The following GNG12 variants were observed in gnomAD, a reference collection of about 807,000 sequenced individuals.
GNG12 encodes the protein guanine nucleotide-binding protein G(I)/G(S)/G(O) subunit gamma-12.
For missense variants in GNG12, 69 were observed against 83.8 expected (o/e 0.82, Z 0.69); for synonymous variants, 28 against 29.7 (o/e 0.94, Z 0.19).
chr1:67,785,423 C>T (rs1427073092), intron 1 of GNG12, among the ~76,000 whole-genome samples: 1 of 152,162 alleles, frequency 6.6e-6, no homozygotes, highest in Non-Finnish European at 1.5e-5. Flanking sequence ...AATGAAACCA[C>T]TCTTCTCTTA....
intron 2 of GNG12, among the ~76,000 whole-genome samples, chr1:67,760,549 A>C (rs1167539702): frequency 6.6e-6 from 1 of 152,148 alleles, no homozygotes; most frequent in African/African-American, 2.4e-5. Flanking sequence ...GAAAAACCTG[A>C]TGGATCGTGT....
intron 2 of GNG12, among the ~76,000 whole-genome samples, chr1:67,731,881 T>C (rs1646422112): frequency 6.6e-6 from 1 of 152,236 alleles, no homozygotes; most frequent in African/African-American, 2.4e-5. Context: ...TATTTTTTTA[T>C]ATTCTCCACC....
intron 3 of GNG12, among the ~76,000 whole-genome samples, 181 bp from the exon 4 acceptor site, chr1:67,705,757 G>A (rs1289556952): frequency 6.6e-6 from 1 of 152,176 alleles, no homozygotes; most frequent in Non-Finnish European, 1.5e-5. Context: ...TTAAAATGGT[G>A]CAATTTGGCA....
At chr1:67,818,949 A>T (rs1289800533) in intron 1 of GNG12, among the ~76,000 whole-genome samples, 2 of 152,172 alleles carry the variant, frequency 1.3e-5, no homozygotes, top group African/African-American at 4.8e-5. Flanking sequence ...AATCTTCATT[A>T]CTAGACTGCG....
intron 2 of GNG12, among the ~76,000 whole-genome samples, chr1:67,755,832 G>A (rs1214061813): frequency 1.3e-5 from 2 of 152,068 alleles, no homozygotes; most frequent in African/African-American, 4.8e-5. Flanking sequence ...AGTAATTACC[G>A]ACAAATAGTG....
At chr1:67,717,951 C>T (rs1341396145) in intron 2 of GNG12, among the ~76,000 whole-genome samples, 1 of 152,166 alleles carries the variant, frequency 6.6e-6, no homozygotes, top group African/African-American at 2.4e-5. Context: ...GAAGGAATAA[C>T]AATAGTACTT....
At chr1:67,797,401 A>T (rs1646838078) in intron 1 of GNG12, among the ~76,000 whole-genome samples, 1 of 152,200 alleles carries the variant, frequency 6.6e-6, no homozygotes, top group African/African-American at 2.4e-5. Context: ...AAAATGCTTC[A>T]CCAAGTACCA....
At chr1:67,806,633 G>A (rs1489375994) in intron 1 of GNG12, among the ~76,000 whole-genome samples, 1 of 151,986 alleles carries the variant, frequency 6.6e-6, no homozygotes, top group Non-Finnish European at 1.5e-5. Context: ...GAGAAAACAG[G>A]AGTAGCTATA....
intron 1 of GNG12, among the ~76,000 whole-genome samples, chr1:67,785,441 T>C (rs1407727996): frequency 6.6e-6 from 1 of 152,200 alleles, no homozygotes; most frequent in East Asian, 1.9e-4. Flanking sequence ...TTAGAATTTC[T>C]ACAACCTTTT....
intron 1 of GNG12, among the ~76,000 whole-genome samples, chr1:67,804,053 A>T (rs1357633971): frequency 6.6e-6 from 1 of 152,172 alleles, no homozygotes; most frequent in African/African-American, 2.4e-5. Flanking sequence ...GATAGGCAGA[A>T]GCTGAGAAAG....
intron 1 of GNG12, among the ~76,000 whole-genome samples, chr1:67,828,584 G>A (rs1429000730): frequency 6.6e-6 from 1 of 152,182 alleles, no homozygotes; most frequent in Non-Finnish European, 1.5e-5. Flanking sequence ...ATACAATTGT[G>A]CTGTAATTAG....
intron 1 of GNG12, among the ~76,000 whole-genome samples, chr1:67,818,409 A>AG (rs1160447026): frequency 2.7e-5 from 3 of 109,916 alleles, no homozygotes; most frequent in Non-Finnish European, 5.4e-5. Context: ...GGGAAAGACC[A>AG]GGGGTTTTTT....
chr1:67,800,318 T>C (rs1426863958), intron 1 of GNG12, among the ~76,000 whole-genome samples: 1 of 152,210 alleles, frequency 6.6e-6, no homozygotes, highest in Non-Finnish European at 1.5e-5. Context: ...AAGCTCATGG[T>C]GGCAGATACA....
At chr1:67,786,933 ATATGTGTGTG>A (rs1257173632) in intron 1 of GNG12, among the ~76,000 whole-genome samples, 7 of 52,118 alleles carry the variant, frequency 1.3e-4, no homozygotes, top group Admixed American at 4.4e-4. Context: ...ACTTATATAT[ATATGTGTGTG>A]TGTGTGTGTG....
intron 1 of GNG12, among the ~76,000 whole-genome samples, chr1:67,801,811 T>C (rs1340527019): frequency 6.6e-6 from 1 of 152,174 alleles, no homozygotes; most frequent in Non-Finnish European, 1.5e-5. Flanking sequence ...TAATAATCTA[T>C]AATTTCATAG....
chr1:67,787,309 T>C (rs1376638080), intron 1 of GNG12, among the ~76,000 whole-genome samples: 3 of 151,872 alleles, frequency 2.0e-5, no homozygotes, highest in African/African-American at 7.3e-5. Flanking sequence ...ACAAGTAAGG[T>C]AGAGGGAACA....
intron 2 of GNG12, among the ~76,000 whole-genome samples, chr1:67,726,725 TA>T (rs1396915277): frequency 6.6e-6 from 1 of 152,266 alleles, no homozygotes; most frequent in Non-Finnish European, 1.5e-5. Flanking sequence ...TGCACATCTC[TA>T]AATCAAAATA....
chr1:67,766,176 C>T (rs891498344), intron 2 of GNG12, among the ~76,000 whole-genome samples: 1 of 150,364 alleles, frequency 6.7e-6, no homozygotes, highest in Non-Finnish European at 1.5e-5. Flanking sequence ...CATAGACAAG[C>T]CCCTTTCAAA....
At chr1:67,745,847 C>A (rs1432686564) in intron 2 of GNG12, among the ~76,000 whole-genome samples, 1 of 152,206 alleles carries the variant, frequency 6.6e-6, no homozygotes, top group East Asian at 1.9e-4. Context: ...GTTTCTCCAT[C>A]CCCCTAGAAG....
Sources: gnomAD v4.1 joint callset for allele counts (sites outside exome capture counted in the v4.1 genomes callset) on GRCh38, gnomAD v4.1.1 for gene constraint, MANE v1.5 for transcripts, NCBI Gene and HGNC (gene_info 2026-07-23, HGNC 2026-07-21) for gene names.